Variants in KIF1A observed in about 807,000 individuals in gnomAD.
KIF1A encodes the protein kinesin family member 1A.
Under a neutral mutation model 227.3 loss-of-function variants are expected in KIF1A, and 46 were observed. The ratio of observed to expected loss-of-function variants is 0.20; its 90% CI spans 0.16 to 0.26. KIF1A has a LOEUF of 0.26. KIF1A is among the 10% of genes least tolerant of loss of function. KIF1A has a pLI of 1.00. For synonymous variants in KIF1A, 1,022 were observed against 1,012.8 expected (o/e 1.01, Z -0.17); for missense variants, 1,683 against 2,485.9 (o/e 0.68, Z 6.87).
chr2:240,718,195 G>T (rs1188206417), intron 47 of KIF1A, 27 bp from the exon 48 acceptor site: 1 of 1,501,854 alleles, frequency 6.7e-7, no homozygotes, highest in Non-Finnish European at 9.1e-7. Flanking sequence ...CTGGTGAGGA[G>T]GTGCCAGGCT....
intron 34 of KIF1A, among the ~76,000 whole-genome samples, chr2:240,742,668 A>G (rs2125766239): frequency 6.6e-6 from 1 of 152,036 alleles, no homozygotes; most frequent in South Asian, 2.1e-4. Context: ...AGTCCCCTCA[A>G]AGCCCCCGAC....
Position 240,788,192 on chromosome 2 carries a change from G to A in KIF1A, c.222C>T (p.Tyr74=). Residue 74 remains tyrosine, a synonymous_variant, in exon 4 of 49, where the codon TAC becomes TAT. Transcript: ENST00000498729. The surrounding 1 kb of genome is among the most constrained non-coding windows in gnomAD (Gnocchi z 6.6). ...DINYASQKQV[Y]RDIGEEMLQH... is the part of the protein sequence containing the mutation. ...GCAGCATCTCCTCGCCGATGTCCCG[G>A]TACACCTGCTTCTGCGACGCGTAGT... is the stretch of plus-strand genomic sequence containing the variant. 5 of 1,613,878 alleles carry A rather than the reference G, an allele frequency of 3.1e-6. No homozygotes were observed. The highest frequency in any genetic ancestry group is 4.2e-6 in the Non-Finnish European group (5 of 1,179,870).
intron 46 of KIF1A, 108 bp downstream of exon 46, chr2:240,719,666 C>T: frequency 7.7e-7 from 1 of 1,299,432 alleles, no homozygotes; most frequent in East Asian, 2.7e-5. Context: ...CTGTCTGTCT[C>T]CCCAAGTATG....
At chr2:240,786,668 GCCACCACCAGGACCC>G (rs2054831980) in intron 5 of KIF1A, among the ~76,000 whole-genome samples, 155 bp from the exon 6 acceptor site, 10 of 141,560 alleles carry the variant, frequency 7.1e-5, no homozygotes, top group Non-Finnish European at 7.9e-5. Flanking sequence ...GGGGGTGGGG[GCCACCACCAGGACCC>G]CTGAGGGGAT....
At chr2:240,737,415 A>G (rs937578678) in intron 37 of KIF1A, 5 of 361,354 alleles carry the variant, frequency 1.4e-5, no homozygotes, top group Non-Finnish European at 2.1e-5. Context: ...CCCCGTATAC[A>G]CACACTGACA....
chr2:240,734,195 G>T (rs1257572071), intron 38 of KIF1A, among the ~76,000 whole-genome samples: 1 of 152,276 alleles, frequency 6.6e-6, no homozygotes, highest in Non-Finnish European at 1.5e-5. Context: ...GAATGTGCCG[G>T]AGTGTGAGGG....
rs114337184 is a variant in KIF1A, at chr2:240,763,278, G to A, written c.1837C>T (p.Arg613Cys). Reference protein sequence around the residue: ...FNHPEQARQERERTPCAETPA... With the variant: ...FNHPEQARQECERTPCAETPA... Reference sequence around the variant, plus strand: ...GTCTCCGCACAAGGCGTGCGCTCACGCTCCTGCCGGGCCTGCTCGGGGTGG... The same window carrying A: ...GTCTCCGCACAAGGCGTGCGCTCACACTCCTGCCGGGCCTGCTCGGGGTGG... Residue 613 changes from arginine (R) to cysteine (C), a missense_variant, in exon 21 of 49, where the codon CGT (arginine) becomes TGT (cysteine). Arg to Cys is a radical substitution (Grantham distance 180). Around this residue, in one of 12 missense-constraint regions of KIF1A, gnomAD observed 217 missense variants for 427.0 expected, o/e 0.51. Coordinates refer to ENST00000498729, the MANE Select transcript of KIF1A (RefSeq NM_001244008.2). 1.2e-6 allele frequency: 2 copies of A among 1,609,244 alleles called. No individual in the cohort carries two copies. Among genetic ancestry groups the A allele is most frequent in the African/African-American group, 1.3e-5 (1 of 74,928 alleles).
intron 10 of KIF1A, among the ~76,000 whole-genome samples, chr2:240,777,628 T>C (rs2052930045): frequency 2.0e-5 from 3 of 152,168 alleles, no homozygotes; most frequent in Admixed American, 2.0e-4. Flanking sequence ...GCTCCCGACC[T>C]ATCCGTCACC....
At position 240,766,811 on chromosome 2, in the gene KIF1A, G is replaced by A. The variant is rs1026639819; in HGVS notation, c.1684+104C>T. The A allele has an allele frequency of 4.4e-5, 28 of 638,774 alleles. No homozygotes were observed. The highest frequency in any genetic ancestry group is 7.2e-5 in the South Asian group (4 of 55,398). The allele number at this position is 638,774 out of a possible 1,614,324, so 39.6% of individuals were successfully genotyped here. On this transcript the variant is annotated intron_variant, in intron 19 of 48. Transcript: ENST00000498729. The surrounding 1 kb of genome is among the most constrained non-coding windows in gnomAD (Gnocchi z 5.0). ...CGTCCTGCCTAGAAGTATGACTCGCGACCCACTTAGTGCTGGGTAAGCTGG... is the reference window on the plus strand; with the variant it reads ...CGTCCTGCCTAGAAGTATGACTCGCAACCCACTTAGTGCTGGGTAAGCTGG...
At chr2:240,805,099 AGAG>A (rs2057296846) in intron 1 of KIF1A, among the ~76,000 whole-genome samples, 2 of 42,676 alleles carry the variant, frequency 4.7e-5, no homozygotes, top group Non-Finnish European at 4.3e-5. Flanking sequence ...GAGGGGAGGG[AGAG>A]GGGAGGGAGG....
rs907406457 is a variant in KIF1A at position 240,778,181 on chromosome 2, C to T, written c.883-2255G>A. 2.0e-5 allele frequency among the ~76,000 whole-genome samples: 3 copies of T among 152,094 alleles called. No individual in the cohort carries two copies. The highest frequency in any genetic ancestry group is 1.9e-4 in the East Asian group (1 of 5,182). ...GTCACTCGAATGCGGACCCCACCCACGGGATGGCTGCCGGTCACACCATTC... is the reference window on the plus strand; with the variant it reads ...GTCACTCGAATGCGGACCCCACCCATGGGATGGCTGCCGGTCACACCATTC... On this transcript the variant is annotated intron_variant, in intron 10 of 48. Transcript: ENST00000498729. This position sits in a 1 kb window ranked among gnomAD's most constrained non-coding sequence, Gnocchi z 7.2.
rs775744903 is a variant in KIF1A at position 240,763,171 on chromosome 2, C to A, written c.1944G>T (p.Glu648Asp). Residue 648 changes from glutamate to aspartate, a missense_variant, in exon 21 of 49, where the codon GAG becomes GAT. This residue lies in a region of KIF1A where 217 missense variants were observed against 427.0 expected (regional missense o/e 0.51). Transcript: ENST00000498729. ...KQGIDMKQEM[E>D]QRLQELEDQY... The stretch of plus-strand genomic sequence containing the variant: ...GGGGGTGGCCTCCGCCTCACCTCTG[C>A]TCCATCTCCTGCTTCATGTCGATGC... 6.2e-7 allele frequency: 1 copy of A among 1,610,644 alleles called. No individual in the cohort carries two copies. Among genetic ancestry groups the A allele is most frequent in the South Asian group, 1.1e-5 (1 of 90,940 alleles).
At chr2:240,770,833 C>A (rs1014852726) in intron 15 of KIF1A, 138 bp downstream of exon 15, 2 of 1,112,164 alleles carry the variant, frequency 1.8e-6, no homozygotes, top group Admixed American at 2.5e-5. Flanking sequence ...GGTGGCCACA[C>A]GCCAGAGGCT....
intron 10 of KIF1A, among the ~76,000 whole-genome samples, chr2:240,777,504 C>T (rs985900029): frequency 2.0e-5 from 3 of 152,178 alleles, no homozygotes; most frequent in Admixed American, 6.5e-5. Flanking sequence ...CCTGTCCAGT[C>T]GTGCTCTGCC....
chr2:240,784,587 C>T (rs936072871), intron 7 of KIF1A, among the ~76,000 whole-genome samples: 10 of 152,242 alleles, frequency 6.6e-5, no homozygotes, highest in South Asian at 4.1e-4. Context: ...GCTCCCCACA[C>T]GGCTGCCTGA....
chr2:240,817,624 A>G (rs1366231965), intron 1 of KIF1A, among the ~76,000 whole-genome samples: 1 of 152,180 alleles, frequency 6.6e-6, no homozygotes. Flanking sequence ...TAATGCTGGT[A>G]GCCCCTCCAT....
Position 240,719,876 on chromosome 2 carries a change from GGCA to G in KIF1A, c.4916_4918del (p.Leu1639del). ...AGGGAGCTTCTTGGAGTCGGCCTCT[GGCA>G]GCAGCTCGGGCTCTGGGCTGGCTGG... On this transcript the variant is annotated inframe_deletion, in exon 46 of 49. Coordinates refer to ENST00000498729, the MANE Select transcript of KIF1A (RefSeq NM_001244008.2). 6.2e-7 allele frequency: 1 copy of G among 1,611,948 alleles called. No individual in the cohort carries two copies. Among genetic ancestry groups the G allele is most frequent in the Non-Finnish European group, 8.5e-7 (1 of 1,179,492 alleles).
intron 48 of KIF1A, among the ~76,000 whole-genome samples, chr2:240,717,831 C>T (rs1575510106): frequency 6.6e-6 from 1 of 152,372 alleles, no homozygotes; most frequent in East Asian, 1.9e-4. Flanking sequence ...CCACTGGCCG[C>T]ACTGCTTCCC....
At chr2:240,803,859 C>A (rs1306626112) in intron 1 of KIF1A, among the ~76,000 whole-genome samples, 1 of 152,166 alleles carries the variant, frequency 6.6e-6, no homozygotes, top group Admixed American at 6.5e-5. Flanking sequence ...TAAAAAGAAT[C>A]ATTTTAAAAA....
Sources: allele counts gnomAD v4.1 joint callset (sites outside exome capture counted in the v4.1 genomes callset), GRCh38; gene constraint gnomAD v4.1.1; regional missense constraint gnomAD v4.1.1; non-coding constraint Gnocchi (gnomAD v3.1); transcripts MANE v1.5; gene names NCBI Gene and HGNC (gene_info 2026-07-23, HGNC 2026-07-21).